Variants in AGPAT3 observed in about 807,000 individuals in gnomAD.
AGPAT3 encodes 1-acyl-sn-glycerol-3-phosphate acyltransferase gamma.
Under a neutral mutation model 47.3 loss-of-function variants are expected in AGPAT3, and 5 were observed. The ratio of observed to expected loss-of-function variants is 0.11; its 90% CI spans 0.06 to 0.22. AGPAT3 has a LOEUF of 0.22. Among genes scored for constraint, AGPAT3 ranks in the 10% least tolerant of loss-of-function variants. The probability of loss-of-function intolerance (pLI) is 1.00; values close to 1 mark genes in which losing one functional copy is unlikely to be tolerated. For missense variants in AGPAT3, 315 were observed against 493.0 expected, an observed-to-expected ratio of 0.64 and a Z score of 3.42; for synonymous variants, 212 against 208.3, an observed-to-expected ratio of 1.02 and a Z score of -0.15.
chr21:43,893,834 A>T (rs1235262517), intron 1 of AGPAT3, among the ~76,000 whole-genome samples: 2 of 152,200 alleles, frequency 1.3e-5, no homozygotes, highest in Non-Finnish European at 2.9e-5. Context: ...CACTGAAAAC[A>T]ATTATGGTAG....
At chr21:43,949,203 T>C (rs1393846978) in intron 2 of AGPAT3, among the ~76,000 whole-genome samples, 2 of 152,232 alleles carry the variant, frequency 1.3e-5, no homozygotes, top group East Asian at 3.8e-4. Context: ...TTATGTATCA[T>C]TTACATATTA....
intron 2 of AGPAT3, among the ~76,000 whole-genome samples, chr21:43,914,191 C>G (rs543117757): frequency 6.6e-6 from 1 of 152,192 alleles, no homozygotes; most frequent in South Asian, 2.1e-4. Context: ...TTGGAACCCC[C>G]CTGCCTGCGA....
intron 2 of AGPAT3, among the ~76,000 whole-genome samples, chr21:43,926,821 C>T (rs959841869): frequency 1.3e-5 from 2 of 151,054 alleles, no homozygotes; most frequent in Non-Finnish European, 3.0e-5. Context: ...GTTAGCTGGG[C>T]GTGGTGGAGC....
At chr21:43,868,705 G>A (rs2085561056) in intron 1 of AGPAT3, among the ~76,000 whole-genome samples, 1 of 152,164 alleles carries the variant, frequency 6.6e-6, no homozygotes, top group Admixed American at 6.5e-5. Flanking sequence ...CAGCCACGCT[G>A]GCTCTTGTTC....
rs974332027 is a variant in AGPAT3, at chr21:43,982,127, C to T, written c.1043-177C>T. Among the ~76,000 whole-genome samples, 9 of 152,206 alleles carry T rather than the reference C, an allele frequency of 5.9e-5. No individual in the cohort carries two copies. Among genetic ancestry groups the T allele is most frequent in the African/African-American group, 9.7e-5 (4 of 41,450 alleles). ...CCCTCACCCCTGCCTGAGCAGACCA[C>T]GGTCTGAGAGGGCTGTCTCCCCGCG... On this transcript the variant is annotated intron_variant, in intron 9 of 9. Transcript: ENST00000291572. The surrounding 1 kb of genome is among the most constrained non-coding windows in gnomAD (Gnocchi z 6.2).
At chr21:43,899,541 C>T (rs548716869) in intron 1 of AGPAT3, among the ~76,000 whole-genome samples, 57 of 152,296 alleles carry the variant, frequency 3.7e-4, no homozygotes, top group African/African-American at 1.3e-3. Flanking sequence ...CCCGGGACGC[C>T]CTTGCCCTTA....
rs760530338 is a variant in AGPAT3 at position 43,932,726 on chromosome 21, C to T, written c.-48-26908C>T. Among the ~76,000 whole-genome samples, 6 of 152,264 alleles carry T rather than the reference C, an allele frequency of 3.9e-5. No individual in the cohort carries two copies. Among genetic ancestry groups the T allele is most frequent in the Non-Finnish European group, 5.9e-5 (4 of 68,038 alleles). On this transcript the variant is annotated intron_variant, in intron 2 of 9. Coordinates refer to ENST00000291572, the MANE Select transcript of AGPAT3 (RefSeq NM_020132.5). This position sits in a 1 kb window ranked among gnomAD's most constrained non-coding sequence, Gnocchi z 5.2. ...AGTGCGATGGCACGGTCTCGGCTCA[C>T]TGCAAGCTCCGCCTCTTGGGTTCAA...
rs553561673 is a variant in AGPAT3 at position 43,919,184 on chromosome 21, A to G, written c.-49+15165A>G. On this transcript the variant is annotated intron_variant, in intron 2 of 9. Coordinates refer to ENST00000291572, the MANE Select transcript of AGPAT3 (RefSeq NM_020132.5). The stretch of plus-strand genomic sequence containing the variant: ...ATTTTCTTTTTTTTTAAACTTCACT[A>G]GTGTGTGGGGTACAGGTGGATTTTG... Among the ~76,000 whole-genome samples the G allele has an allele frequency of 3.3e-5, 5 of 151,984 alleles. No homozygotes were observed. The South Asian group carries it at 1.0e-3, about 32-fold the overall frequency.
chr21:43,961,141 TA>T (rs1042119184), intron 3 of AGPAT3, among the ~76,000 whole-genome samples: 1,935 of 130,004 alleles, frequency 0.015, 17 homozygotes, highest in Middle Eastern at 0.059. Flanking sequence ...AGACTCTGTC[TA>T]AAAAAAAAAA....
chr21:43,975,433 C>T (rs1401154227), intron 7 of AGPAT3, among the ~76,000 whole-genome samples: 2 of 152,106 alleles, frequency 1.3e-5, no homozygotes, highest in Non-Finnish European at 2.9e-5. Context: ...CGCATGCTGG[C>T]GTGTGCTTGT....
chr21:43,938,483 AG>A (rs1324927788), intron 2 of AGPAT3, among the ~76,000 whole-genome samples: 2 of 151,972 alleles, frequency 1.3e-5, no homozygotes, highest in Non-Finnish European at 2.9e-5. Context: ...TAATAGAGAC[AG>A]GGTTTCACCA....
At chr21:43,943,544 G>A (rs1002572546) in intron 2 of AGPAT3, among the ~76,000 whole-genome samples, 1 of 152,224 alleles carries the variant, frequency 6.6e-6, no homozygotes, top group Non-Finnish European at 1.5e-5. Context: ...ACCCTCAAGA[G>A]AAAGCCAGTC....
rs574953550 is a variant in AGPAT3 at position 43,905,922 on chromosome 21, G to T, written c.-49+1903G>T. Among the ~76,000 whole-genome samples, 225 of 152,356 alleles carry T rather than the reference G, an allele frequency of 1.5e-3. 4 individuals are homozygous for T. In the Middle Eastern group the frequency reaches 0.024, roughly 16 times the overall value. On this transcript the variant is annotated intron_variant, in intron 2 of 9. Transcript: ENST00000291572. ...TCTGATCTGTCAGGTGCAGGGTGTG[G>T]CGCACGTGGGCTTGTGCTGTGGATG...
In AGPAT3 at chr21:43,985,681, T is replaced by C. The variant is rs894553387; in HGVS notation, c.*3289T>C. The C allele has an allele frequency of 2.5e-5, 5 of 202,236 alleles. No homozygotes were observed. Among genetic ancestry groups the C allele is most frequent in the Admixed American group, 1.6e-4 (3 of 18,772 alleles). 12.5% of individuals were successfully genotyped at this position (202,236 alleles called of 1,614,324 possible). On this transcript the variant is annotated 3_prime_UTR_variant, in exon 10 of 10. Coordinates refer to ENST00000291572, the MANE Select transcript of AGPAT3 (RefSeq NM_020132.5). ...AATGAGTAAGTTTCTGCATGCTTTG[T>C]CTCTACCTGAGACACTTCTACAACA... is the stretch of plus-strand genomic sequence containing the variant.
chr21:43,972,800 A>G (rs1385478284), intron 7 of AGPAT3, among the ~76,000 whole-genome samples: 1 of 152,232 alleles, frequency 6.6e-6, no homozygotes, highest in Non-Finnish European at 1.5e-5. Flanking sequence ...GGCACGAAGA[A>G]ACCGTGCGCT....
rs144369843 is a variant in AGPAT3 at position 43,933,332 on chromosome 21, C to T, written c.-48-26302C>T. On this transcript the variant is annotated intron_variant, in intron 2 of 9. Transcript: ENST00000291572. This position sits in a 1 kb window ranked among gnomAD's most constrained non-coding sequence, Gnocchi z 6.0. ...GGTCTGCAGGGTTTTCTCTCCCTTG[C>T]GGGTCGTCTCTTTACCCTGTCGTTC... 7.2e-4 allele frequency among the ~76,000 whole-genome samples: 110 copies of T among 152,266 alleles called. No homozygotes were observed. Among genetic ancestry groups the T allele is most frequent in the Non-Finnish European group, 1.4e-3 (93 of 68,032 alleles).
At chr21:43,877,661 C>G (rs2085764233) in intron 1 of AGPAT3, among the ~76,000 whole-genome samples, 1 of 152,054 alleles carries the variant, frequency 6.6e-6, no homozygotes, top group Admixed American at 6.5e-5. Flanking sequence ...TCAGGCTGGC[C>G]TTGAACTCCC....
rs544944698 is a variant in AGPAT3, at chr21:43,962,125, C to T, written c.178+2266C>T. Among the ~76,000 whole-genome samples the T allele has an allele frequency of 4.7e-3, 714 of 151,924 alleles. 4 individuals are homozygous for T. The highest frequency in any genetic ancestry group is 6.8e-3 in the Middle Eastern group (2 of 294). On this transcript the variant is annotated intron_variant, in intron 3 of 9. Transcript: ENST00000291572. The stretch of plus-strand genomic sequence containing the variant: ...ACGCCATTCTCCTGCCTCAGCCTCC[C>T]GAGTAGCTGGGACTACAGGCACCCG...
chr21:43,961,104 C>T (rs1468264786), intron 3 of AGPAT3, among the ~76,000 whole-genome samples: 1 of 150,672 alleles, frequency 6.6e-6, no homozygotes, highest in African/African-American at 2.4e-5. Flanking sequence ...CACACCACTG[C>T]ACCACTCCAG....
Sources: gnomAD v4.1 joint callset for allele counts (sites outside exome capture counted in the v4.1 genomes callset) on GRCh38, gnomAD v4.1.1 for gene constraint, Gnocchi (gnomAD v3.1) non-coding constraint, MANE v1.5 for transcripts, NCBI Gene and HGNC (gene_info 2026-07-23, HGNC 2026-07-21) for gene names.